The following CCDC9B variants were observed in gnomAD, a reference collection of about 807,000 sequenced individuals.
CCDC9B encodes coiled-coil domain-containing protein 9B.
A neutral mutation model predicts 47.2 loss-of-function variants in CCDC9B; 40 were observed. The ratio of observed to expected loss-of-function variants is 0.85; its 90% CI spans 0.66 to 1.10. CCDC9B has a LOEUF of 1.10. Ranked by LOEUF, CCDC9B falls within the 50% of genes least tolerant of loss-of-function variation. The probability of loss-of-function intolerance (pLI) is 0.00; values close to 1 mark genes in which losing one functional copy is unlikely to be tolerated. For synonymous variants in CCDC9B, 238 were observed against 250.7 expected (o/e 0.95, Z 0.48); for missense variants, 662 against 651.0 (o/e 1.02, Z -0.18).
rs1888914545 is a variant in CCDC9B at position 40,334,489 on chromosome 15, AGAG to A, written c.*666_*668del. ...TAAGCTCTCCCATCCTGCTGTGGGAAGAGGAGGTTGTCGCTCCCCATCCCAACC... is the reference window on the plus strand; with the variant it reads ...TAAGCTCTCCCATCCTGCTGTGGGAAGAGGTTGTCGCTCCCCATCCCAACC... On this transcript the variant is annotated 3_prime_UTR_variant, in exon 11 of 11. Coordinates refer to ENST00000397536, the MANE Select transcript of CCDC9B (RefSeq NM_207380.3). The A allele has an allele frequency of 6.6e-6, 1 of 152,162 alleles. No individual in the cohort carries two copies. The highest frequency in any genetic ancestry group is 1.5e-5 in the Non-Finnish European group (1 of 68,058). 9.4% of individuals were successfully genotyped at this position (152,162 alleles called of 1,614,324 possible).
At chr15:40,337,669 C>A (rs1240834720) in intron 6 of CCDC9B, 55 bp downstream of exon 6, 5 of 1,532,766 alleles carry the variant, frequency 3.3e-6, no homozygotes, top group Non-Finnish European at 4.4e-6. Flanking sequence ...CCCAGCAGTG[C>A]CCGAAGCCAG....
intron 5 of CCDC9B, 26 bp from the exon 6 acceptor site, chr15:40,337,919 A>AG (rs1488865446): frequency 3.2e-6 from 5 of 1,578,936 alleles, no homozygotes; most frequent in Non-Finnish European, 4.3e-6. Flanking sequence ...ACTCAGAGTG[A>AG]GGGGGAGAAG....
rs148587090 is a variant in CCDC9B, at chr15:40,336,224, C to G, written c.887+350G>C. ...TAAATCCAACTATTTCCTCTGAATACCACGCACTCTGGGCCCATCCTGGGT... is the reference window on the plus strand; with the variant it reads ...TAAATCCAACTATTTCCTCTGAATAGCACGCACTCTGGGCCCATCCTGGGT... On this transcript the variant is annotated intron_variant, in intron 9 of 10. Transcript: ENST00000397536. The G allele has an allele frequency of 3.0e-6, 3 of 985,326 alleles. No individual in the cohort carries two copies. In the South Asian group the frequency reaches 1.4e-4, roughly 46 times the overall value. The allele number at this position is 985,326 out of a possible 1,614,324, so 61.0% of individuals were successfully genotyped here. A position where few individuals can be genotyped will look rare whatever the true frequency, so the allele number is the denominator to read the frequency against.
chr15:40,338,933 G>C lies in CCDC9B; in HGVS notation c.232-30C>G, dbSNP rs768276414. ...AGAACAAAGACCCTCAGGCCACATGGGCAGTGCTGGGCAGGACCTGGGTGC... is the reference window on the plus strand; with the variant it reads ...AGAACAAAGACCCTCAGGCCACATGCGCAGTGCTGGGCAGGACCTGGGTGC... On this transcript the variant is annotated intron_variant, in intron 3 of 10. Transcript: ENST00000397536. The C allele has an allele frequency of 1.1e-5, 17 of 1,613,564 alleles. No individual in the cohort carries two copies. In the South Asian group the frequency reaches 1.9e-4, roughly 18 times the overall value.
chr15:40,335,613 G>A lies in CCDC9B; in HGVS notation c.1018C>T (p.Pro340Ser). The change falls in exon 11 of 11, where the codon CCT (proline) becomes TCT (serine). Residue 340 changes from proline to serine, a missense_variant. Transcript: ENST00000397536. The part of the protein sequence containing the change: ...GMEQGRLGSA[P>S]AASPALASPE... ...GATGCCAGGGCTGGGCTGGCTGCAGGGGCGCTCCCCAGTCGGCCCTGCTCC... is the reference window on the plus strand; with the variant it reads ...GATGCCAGGGCTGGGCTGGCTGCAGAGGCGCTCCCCAGTCGGCCCTGCTCC... 2.7e-6 allele frequency: 4 copies of A among 1,499,936 alleles called. No individual in the cohort carries two copies. Among genetic ancestry groups the A allele is most frequent in the Non-Finnish European group, 2.7e-6 (3 of 1,120,330 alleles). 92.9% of individuals were successfully genotyped at this position (1,499,936 alleles called of 1,614,324 possible).
chr15:40,339,380 G>A, intron 3 of CCDC9B, 132 bp downstream of exon 3: 1 of 897,738 alleles, frequency 1.1e-6, no homozygotes, highest in South Asian at 1.6e-5. Flanking sequence ...TCCGACTGCA[G>A]GAGGTTGGGA....
At position 40,340,791 on chromosome 15, in the gene CCDC9B, G is replaced by T; in HGVS notation, c.12+17C>A. On this transcript the variant is annotated intron_variant, in intron 1 of 10. Transcript: ENST00000397536. ...CAGTCCCAAGAAGCCCCCTGCCAAA[G>T]GCAGACTGCCACTCACAGCCGAGTG... The T allele has an allele frequency of 6.2e-7, 1 of 1,603,452 alleles. No homozygotes were observed. The highest frequency in any genetic ancestry group is 2.2e-5 in the East Asian group (1 of 44,570).
In CCDC9B at chr15:40,335,313, G is replaced by A. The variant is rs1443852731; in HGVS notation, c.1318C>T (p.Leu440Phe). The A allele has an allele frequency of 1.2e-6, 2 of 1,613,572 alleles. No homozygotes were observed. Among genetic ancestry groups the A allele is most frequent in the East Asian group, 4.5e-5 (2 of 44,882 alleles). The change falls in exon 11 of 11, where the codon CTC becomes TTC. Residue 440 changes from leucine to phenylalanine, a missense_variant. Coordinates refer to ENST00000397536, the MANE Select transcript of CCDC9B (RefSeq NM_207380.3). ...GACCTGTCTTCTCCGGGCTCTGGGA[G>A]CCCTGCTCCTCTCTGTGGCTCAGGG... The part of the protein sequence containing the change: ...TCPEPQRGAG[L>F]PEPGEDRSGK...
chr15:40,335,700 CCT>C lies in CCDC9B; in HGVS notation c.931-2_931-1del, dbSNP rs1324485131. 6 of 1,565,992 alleles carry C rather than the reference CCT, an allele frequency of 3.8e-6. No homozygotes were observed. The highest frequency in any genetic ancestry group is 2.7e-5 in the African/African-American group (2 of 73,802). On this transcript the variant is annotated splice_acceptor_variant, in intron 10 of 10. Transcript: ENST00000397536. LOFTEE classifies it high-confidence loss of function. Reference sequence around the variant, plus strand: ...GGAGTCTCTCTGGTGCTTTGGCTTCCCTGAAACAAGAGAATAGCCCCGGTGGC... The same window carrying C: ...GGAGTCTCTCTGGTGCTTTGGCTTCCGAAACAAGAGAATAGCCCCGGTGGC...
intron 2 of CCDC9B, 140 bp from the exon 3 acceptor site, chr15:40,339,759 C>T: frequency 6.8e-6 from 10 of 1,463,246 alleles, no homozygotes; most frequent in Non-Finnish European, 9.2e-6. Context: ...AGGACCCTCA[C>T]CAAGCCTCTA....
At position 40,334,187 on chromosome 15, in the gene CCDC9B, G is replaced by A. The variant is rs1342742123; in HGVS notation, c.*971C>T. The stretch of plus-strand genomic sequence containing the variant: ...CTGAGAGGAAGCCACAGCTTGTGCG[G>A]AGTCCGGATAATTCAGCAGACGTGG... On this transcript the variant is annotated 3_prime_UTR_variant, in exon 11 of 11. Coordinates refer to ENST00000397536, the MANE Select transcript of CCDC9B (RefSeq NM_207380.3). The A allele has an allele frequency of 6.5e-6, 1 of 152,744 alleles. No individual in the cohort carries two copies. The highest frequency in any genetic ancestry group is 6.5e-5 in the Admixed American group (1 of 15,292). The allele number at this position is 152,744 out of a possible 1,614,324, so 9.5% of individuals were successfully genotyped here.
In CCDC9B at chr15:40,332,410, G is replaced by A. The variant is rs1210423935; in HGVS notation, c.*2748C>T. ...TACACTACCATCTTCCTGCAATGAA[G>A]AGGTCCTGTGCCAGTCTCTGTTCCC... On this transcript the variant is annotated 3_prime_UTR_variant, in exon 11 of 11. Transcript: ENST00000397536. 1 of 152,220 alleles carries A rather than the reference G, an allele frequency of 6.6e-6. No individual in the cohort carries two copies. Among genetic ancestry groups the A allele is most frequent in the African/African-American group, 2.4e-5 (1 of 41,442 alleles). 9.4% of individuals were successfully genotyped at this position (152,220 alleles called of 1,614,324 possible).
chr15:40,335,849 A>ACGCCC, intron 9 of CCDC9B, 23 bp from the exon 10 acceptor site: 1 of 1,604,082 alleles, frequency 6.2e-7, no homozygotes, highest in Non-Finnish European at 8.5e-7. Flanking sequence ...AGCTCATGGC[A>ACGCCC]CGCCCCACCC....
At position 40,335,141 on chromosome 15, in the gene CCDC9B, G is replaced by C. The variant is rs758762768; in HGVS notation, c.*17C>G. On this transcript the variant is annotated 3_prime_UTR_variant, in exon 11 of 11. Transcript: ENST00000397536. ...TTTTCCTCTCCCCGGGGACTCCCCA[G>C]CTCCCAGGAGCTGTGTTCAGCATCT... 6.7e-7 allele frequency: 1 copy of C among 1,489,664 alleles called. No individual in the cohort carries two copies. Among genetic ancestry groups the C allele is most frequent in the Non-Finnish European group, 8.9e-7 (1 of 1,120,344 alleles). The allele number at this position is 1,489,664 out of a possible 1,614,324, so 92.3% of individuals were successfully genotyped here. A position where few individuals can be genotyped will look rare whatever the true frequency, so the allele number is the denominator to read the frequency against.
intron 5 of CCDC9B, among the ~76,000 whole-genome samples, chr15:40,338,314 T>G (rs1889011471): frequency 6.6e-6 from 1 of 152,214 alleles, no homozygotes; most frequent in South Asian, 2.1e-4. Context: ...CAGGGCTAAA[T>G]AGGGGAGGGG....
chr15:40,338,977 C>T, intron 3 of CCDC9B, 74 bp from the exon 4 acceptor site: 3 of 1,548,854 alleles, frequency 1.9e-6, no homozygotes, highest in Non-Finnish European at 1.8e-6. Flanking sequence ...CTCGGTGGTT[C>T]CCCAGGCCTG....
rs1358090282 is a variant in CCDC9B at position 40,336,620 on chromosome 15, C to G, written c.841G>C (p.Gly281Arg). The part of the protein sequence containing the change: ...ASRPSVAPAT[G>R]SKARGKERLT... ...CTCTCCTTGCCCCGGGCTTTGCTGC[C>G]TGTGGCTGGTGCCACCGAGGGTCTG... is the stretch of plus-strand genomic sequence containing the variant. The change falls in exon 9 of 11, where the codon GGC becomes CGC. Residue 281 changes from glycine (G) to arginine (R), a missense_variant. By Grantham distance (125) the Gly-to-Arg change is moderately radical. Transcript: ENST00000397536. 1.2e-6 allele frequency: 2 copies of G among 1,613,122 alleles called. No individual in the cohort carries two copies. Among genetic ancestry groups the G allele is most frequent in the Non-Finnish European group, 8.5e-7 (1 of 1,179,732 alleles).
intron 5 of CCDC9B, 90 bp downstream of exon 5, chr15:40,338,440 TCCCCG>T: frequency 7.0e-7 from 1 of 1,429,414 alleles, no homozygotes; most frequent in Non-Finnish European, 9.6e-7. Flanking sequence ...CTTGGCCACG[TCCCCG>T]CAAATGAGGG....
Position 40,336,657 on chromosome 15 carries a change from G to A in CCDC9B, c.804C>T (p.Gly268=), listed in dbSNP as rs563889496. ...CCACCGAGGGTCTGCTGGCTTGCCC[G>A]CCCCGACCTGCAAGAGATGGTCGGC... The part of the protein sequence containing the change: ...PPLLPDGKGR[G]GQASRPSVAP... Residue 268 remains glycine, a synonymous_variant, in exon 9 of 11, where the codon GGC becomes GGT. Transcript: ENST00000397536. 8.1e-6 allele frequency: 13 copies of A among 1,609,888 alleles called. No individual in the cohort carries two copies. The highest frequency in any genetic ancestry group is 6.7e-5 in the African/African-American group (5 of 74,932).
Sources: allele counts gnomAD v4.1 joint callset (sites outside exome capture counted in the v4.1 genomes callset), GRCh38; gene constraint gnomAD v4.1.1; transcripts MANE v1.5; gene names NCBI Gene and HGNC (gene_info 2026-07-23, HGNC 2026-07-21).